TMEM132B: variants seen among roughly 807,000 people sequenced by gnomAD.
TMEM132B encodes the protein transmembrane protein 132B.
In TMEM132B, 18 loss-of-function variants were observed where a neutral mutation model predicts 90.8. That is an observed-to-expected ratio of 0.20 (90% CI 0.14 to 0.29). The LOEUF (loss-of-function observed/expected upper bound fraction) is 0.29, where lower values mean the gene tolerates loss of function less well. Among genes scored for constraint, TMEM132B ranks in the 10% least tolerant of loss-of-function variants. The pLI is 1.00. For missense variants in TMEM132B, 1,096 were observed against 1,326.8 expected (o/e 0.83, Z 2.70); for synonymous variants, 504 against 523.3 (o/e 0.96, Z 0.50).
At chr12:125,220,321 A>G (rs34283290) in intron 1 of TMEM132B, among the ~76,000 whole-genome samples, 109 of 152,280 alleles carry the variant, frequency 7.2e-4, no homozygotes, top group Non-Finnish European at 1.4e-3. Context: ...TCTTGCCCCA[A>G]ACCACATCTG....
rs375993214 is a variant in TMEM132B at position 125,500,105 on chromosome 12, T to C, written c.1107-19334T>C. Among the ~76,000 whole-genome samples the C allele has an allele frequency of 1.5e-3, 233 of 152,272 alleles. 2 individuals are homozygous for C. Among genetic ancestry groups the C allele is most frequent in the African/African-American group, 5.5e-3 (228 of 41,564 alleles). ...CCGGGACCCAGCTTTCACTATCTTGTGTGTGTCTATTATTTCTCAACCTGC... is the reference window on the plus strand; with the variant it reads ...CCGGGACCCAGCTTTCACTATCTTGCGTGTGTCTATTATTTCTCAACCTGC... On this transcript the variant is annotated intron_variant, in intron 3 of 8. Coordinates refer to ENST00000682704, the MANE Select transcript of TMEM132B (RefSeq NM_001366854.1).
At chr12:125,299,154 C>T (rs971333020) in intron 1 of TMEM132B, among the ~76,000 whole-genome samples, 2 of 152,194 alleles carry the variant, frequency 1.3e-5, no homozygotes, top group Non-Finnish European at 1.5e-5. Context: ...CGCTCTGCTG[C>T]CATCCATTCT....
Position 125,406,021 on chromosome 12 carries a change from CT to C in TMEM132B, c.960-9502del, listed in dbSNP as rs112902768. Among the ~76,000 whole-genome samples, 1 of 151,910 alleles carries C rather than the reference CT, an allele frequency of 6.6e-6. No individual in the cohort carries two copies. Among genetic ancestry groups the C allele is most frequent in the East Asian group, 1.9e-4 (1 of 5,190 alleles). On this transcript the variant is annotated intron_variant, in intron 2 of 8. Transcript: ENST00000682704. This position sits in a 1 kb window ranked among gnomAD's most constrained non-coding sequence, Gnocchi z 8.3. ...TGAATTCAGGTTGTAGCTTTCCTTGCTTTTTTTTGGAATATTTATTAGTTCA... is the reference window on the plus strand; with the variant it reads ...TGAATTCAGGTTGTAGCTTTCCTTGCTTTTTTTGGAATATTTATTAGTTCA...
In TMEM132B at chr12:125,186,421, G is replaced by A. The variant is rs1957760322; in HGVS notation, c.-379G>A. Among the ~76,000 whole-genome samples the A allele has an allele frequency of 7.0e-6, 1 of 143,448 alleles. No individual in the cohort carries two copies. Among genetic ancestry groups the A allele is most frequent in the Admixed American group, 6.9e-5 (1 of 14,428 alleles). The allele number at this position is 143,448 out of a possible 152,430, so 94.1% of individuals were successfully genotyped here. A position where few individuals can be genotyped will look rare whatever the true frequency, so the allele number is the denominator to read the frequency against. On this transcript the variant is annotated 5_prime_UTR_variant, in exon 1 of 9. Coordinates refer to ENST00000682704, the MANE Select transcript of TMEM132B (RefSeq NM_001366854.1). The surrounding 1 kb of genome is among the most constrained non-coding windows in gnomAD (Gnocchi z 6.3). ...TGGCTCGAGGGGCGGCCGGCAGATGGCGATGGCAGAGGCGGCGGCGGCGGC... is the reference window on the plus strand; with the variant it reads ...TGGCTCGAGGGGCGGCCGGCAGATGACGATGGCAGAGGCGGCGGCGGCGGC...
intron 5 of TMEM132B, among the ~76,000 whole-genome samples, chr12:125,590,877 T>A (rs1273538727): frequency 6.6e-6 from 1 of 151,914 alleles, no homozygotes; most frequent in Non-Finnish European, 1.5e-5. Context: ...TAGAAGGTGC[T>A]GTAGCTCAAG....
At chr12:125,437,083 AAG>A (rs999910278) in intron 3 of TMEM132B, among the ~76,000 whole-genome samples, 1 of 152,174 alleles carries the variant, frequency 6.6e-6, no homozygotes, top group Non-Finnish European at 1.5e-5. Flanking sequence ...GCTTCTACAA[AAG>A]AGAGAGACTC....
At position 125,296,759 on chromosome 12, in the gene TMEM132B, C is replaced by G. The variant is rs537515904; in HGVS notation, c.68-52693C>G. Among the ~76,000 whole-genome samples the G allele has an allele frequency of 2.4e-4, 37 of 152,356 alleles. No homozygotes were observed. In the South Asian group the frequency reaches 3.5e-3, roughly 14 times the overall value. ...GGCTGCAAAGTGTCTTTCCATCCCA[C>G]TCCTTTATCACTGTGTGAAGAATCA... On this transcript the variant is annotated intron_variant, in intron 1 of 8. Coordinates refer to ENST00000682704, the MANE Select transcript of TMEM132B (RefSeq NM_001366854.1).
At chr12:125,622,927 G>C (rs1183035103) in intron 5 of TMEM132B, among the ~76,000 whole-genome samples, 2 of 152,122 alleles carry the variant, frequency 1.3e-5, no homozygotes, top group East Asian at 3.9e-4. Context: ...AAGCCCTGCA[G>C]TTCTCTCTTT....
At chr12:125,443,143 G>A (rs972855279) in intron 3 of TMEM132B, among the ~76,000 whole-genome samples, 5 of 152,214 alleles carry the variant, frequency 3.3e-5, no homozygotes, top group Admixed American at 2.0e-4. Flanking sequence ...CTTGGGTGAT[G>A]CAGCCTGGGG....
chr12:125,387,881 A>C (rs1878888973), intron 2 of TMEM132B, among the ~76,000 whole-genome samples: 1 of 152,204 alleles, frequency 6.6e-6, no homozygotes, highest in African/African-American at 2.4e-5. Flanking sequence ...AGTGAATACT[A>C]AGGGAATTCA....
rs184600471 is a variant in TMEM132B at position 125,323,762 on chromosome 12, G to A, written c.68-25690G>A. Among the ~76,000 whole-genome samples, 34 of 152,272 alleles carry A rather than the reference G, an allele frequency of 2.2e-4. 1 individual carries two copies. The East Asian group carries it at 4.8e-3, about 22-fold the overall frequency. ...TCCAACTCCTGACCTCAGGTGGTCC[G>A]CCTGCCTTGGCCTTCCAAAGTGCTA... is the stretch of plus-strand genomic sequence containing the variant. On this transcript the variant is annotated intron_variant, in intron 1 of 8. Coordinates refer to ENST00000682704, the MANE Select transcript of TMEM132B (RefSeq NM_001366854.1).
intron 5 of TMEM132B, among the ~76,000 whole-genome samples, chr12:125,590,190 T>C (rs1409528852): frequency 6.6e-6 from 1 of 152,136 alleles, no homozygotes; most frequent in East Asian, 1.9e-4. Flanking sequence ...TTAAATCACT[T>C]TTCTATCTAA....
chr12:125,592,557 T>C (rs1236136794), intron 5 of TMEM132B, among the ~76,000 whole-genome samples: 1 of 152,204 alleles, frequency 6.6e-6, no homozygotes, highest in Non-Finnish European at 1.5e-5. Context: ...ACTAAAGTTT[T>C]TGCTGTTTGC....
intron 1 of TMEM132B, among the ~76,000 whole-genome samples, chr12:125,342,089 T>A (rs7314599): frequency 0.31 from 47,640 of 152,006 alleles, 7,674 homozygotes; most frequent in South Asian, 0.43. Flanking sequence ...CTTAAAGCCA[T>A]TCTGTGGACT....
chr12:125,600,136 G>T (rs1885536976), intron 5 of TMEM132B, among the ~76,000 whole-genome samples: 1 of 152,136 alleles, frequency 6.6e-6, no homozygotes, highest in Non-Finnish European at 1.5e-5. Context: ...TGTGATTTTG[G>T]CAACAGTGTG....
intron 1 of TMEM132B, among the ~76,000 whole-genome samples, chr12:125,254,288 GA>G (rs966290971): frequency 6.9e-5 from 10 of 145,002 alleles, no homozygotes; most frequent in South Asian, 4.5e-4. Context: ...CTCAAAAAAA[GA>G]AAAAAAAAAG....
chr12:125,293,247 T>C (rs1254913779), intron 1 of TMEM132B, among the ~76,000 whole-genome samples: 2 of 152,244 alleles, frequency 1.3e-5, no homozygotes, highest in African/African-American at 2.4e-5. Context: ...TTGTATTACT[T>C]TATTGAGTCA....
chr12:125,359,279 C>T (rs960037715), intron 2 of TMEM132B, among the ~76,000 whole-genome samples: 5 of 152,132 alleles, frequency 3.3e-5, no homozygotes, highest in African/African-American at 4.8e-5. Context: ...CAGATGTGTT[C>T]CTACACCCAA....
At chr12:125,302,646 TC>T (rs953118560) in intron 1 of TMEM132B, among the ~76,000 whole-genome samples, 25 of 152,260 alleles carry the variant, frequency 1.6e-4, no homozygotes, top group African/African-American at 6.0e-4. Flanking sequence ...AAAGGTGTTT[TC>T]CCCCTTCTTT....
Sources: allele counts gnomAD v4.1 joint callset (sites outside exome capture counted in the v4.1 genomes callset), GRCh38; gene constraint gnomAD v4.1.1; non-coding constraint Gnocchi (gnomAD v3.1); transcripts MANE v1.5; gene names NCBI Gene and HGNC (gene_info 2026-07-23, HGNC 2026-07-21).